Variants in ARID1B observed in about 807,000 individuals in gnomAD.
The protein encoded by ARID1B is AT-rich interaction domain 1B.
Under a neutral mutation model 212.3 loss-of-function variants are expected in ARID1B, and 30 were observed. The observed-to-expected ratio is 0.14, with a 90% CI of 0.11 to 0.19. The LOEUF is 0.19. ARID1B is among the 10% of genes least tolerant of loss of function. The probability of loss-of-function intolerance (pLI) is 1.00; values close to 1 mark genes in which losing one functional copy is unlikely to be tolerated. For synonymous variants in ARID1B, 1,402 were observed against 1,301.7 expected, an observed-to-expected ratio of 1.08 and a Z score of -1.66; for missense variants, 2,891 against 3,204.0, an observed-to-expected ratio of 0.90 and a Z score of 2.36.
intron 6 of ARID1B, among the ~76,000 whole-genome samples, chr6:157,130,369 A>G (rs893834977): frequency 2.6e-5 from 4 of 152,206 alleles, no homozygotes; most frequent in Non-Finnish European, 5.9e-5. Flanking sequence ...ACATTTTTTT[A>G]TTAAACAGGA....
chr6:156,930,105 A>G (rs559381730), intron 3 of ARID1B, among the ~76,000 whole-genome samples: 37 of 152,316 alleles, frequency 2.4e-4, no homozygotes, highest in South Asian at 2.1e-4. Context: ...AAATGTAGCA[A>G]TCTGATACAG....
chr6:157,162,955 C>T (rs74896098), intron 8 of ARID1B, among the ~76,000 whole-genome samples: 5,301 of 152,290 alleles, frequency 0.035, 148 homozygotes, highest in African/African-American at 0.07. Context: ...ATGAAGCCCG[C>T]AGGCCCCCTG....
rs1208777402 is a variant in ARID1B, at chr6:156,872,155, C to T, written c.1987-29221C>T. 3.9e-5 allele frequency among the ~76,000 whole-genome samples: 6 copies of T among 152,252 alleles called. No individual in the cohort carries two copies. The East Asian group carries it at 5.8e-4, about 15-fold the overall frequency. On this transcript the variant is annotated intron_variant, in intron 2 of 19. Coordinates refer to ENST00000636930, the MANE Select transcript of ARID1B (RefSeq NM_001374828.1). ...GTGATCCTGAGCAAGTTACTTAAAT[C>T]GTCTGAACTACAATTTCTTTTTTAT...
chr6:157,090,505 A>ATTAGG (rs994903922), intron 5 of ARID1B, among the ~76,000 whole-genome samples: 6 of 152,348 alleles, frequency 3.9e-5, no homozygotes, highest in African/African-American at 9.6e-5. Context: ...AAAACACAAA[A>ATTAGG]TTAGGTCTTC....
intron 15 of ARID1B, among the ~76,000 whole-genome samples, chr6:157,191,516 G>A (rs1485342958): frequency 1.3e-5 from 2 of 152,096 alleles, no homozygotes; most frequent in Non-Finnish European, 2.9e-5. Context: ...GGATTGATGA[G>A]ATCCTTGAGA....
intron 8 of ARID1B, among the ~76,000 whole-genome samples, chr6:157,155,299 C>CGAATTGT (rs1164594675): frequency 1.3e-5 from 2 of 152,000 alleles, no homozygotes; most frequent in African/African-American, 4.8e-5. Flanking sequence ...TGTTAAAGTA[C>CGAATTGT]GAATTGTGAA....
At chr6:156,860,717 C>T (rs920498334) in intron 2 of ARID1B, among the ~76,000 whole-genome samples, 2 of 152,044 alleles carry the variant, frequency 1.3e-5, no homozygotes, top group African/African-American at 4.8e-5. Flanking sequence ...CTTTAGTATA[C>T]CCACAAAAGA....
At chr6:157,196,866 G>A (rs1793764919) in intron 16 of ARID1B, among the ~76,000 whole-genome samples, 1 of 152,198 alleles carries the variant, frequency 6.6e-6, no homozygotes. Context: ...CACAGCACAG[G>A]CCTCACTGCA....
intron 4 of ARID1B, among the ~76,000 whole-genome samples, chr6:157,026,368 G>A (rs1328409517): frequency 6.6e-6 from 1 of 152,200 alleles, no homozygotes; most frequent in African/African-American, 2.4e-5. Flanking sequence ...CTTTGGGAGA[G>A]CACTGTAATC....
chr6:157,149,166 G>A, intron 8 of ARID1B: 1 of 583,448 alleles, frequency 1.7e-6, no homozygotes, highest in Non-Finnish European at 3.0e-6. Context: ...GAAGGAATGT[G>A]AGCGGTGAGC....
intron 1 of ARID1B, among the ~76,000 whole-genome samples, chr6:156,783,526 T>TG (rs1489414262): frequency 1.3e-5 from 2 of 152,216 alleles, no homozygotes; most frequent in African/African-American, 4.8e-5. Flanking sequence ...TTTATGATTC[T>TG]GGGCAGGGTG....
intron 1 of ARID1B, among the ~76,000 whole-genome samples, chr6:156,806,058 C>A (rs981809554): frequency 6.6e-6 from 1 of 152,148 alleles, no homozygotes; most frequent in African/African-American, 2.4e-5. Flanking sequence ...CCGTATTGGC[C>A]ACTTTTTCTG....
chr6:157,077,354 C>T (rs1784370864), intron 4 of ARID1B, among the ~76,000 whole-genome samples: 1 of 152,130 alleles, frequency 6.6e-6, no homozygotes. Context: ...CTTTCTGGAC[C>T]TCTGTGGCTC....
intron 1 of ARID1B, among the ~76,000 whole-genome samples, chr6:156,783,978 A>G (rs1779458612): frequency 6.6e-6 from 1 of 152,240 alleles, no homozygotes; most frequent in African/African-American, 2.4e-5. Context: ...GGTGTGTTGC[A>G]TAAAATGACA....
rs1024897251 is a variant in ARID1B at position 157,180,323 on chromosome 6, T to C, written c.3505-646T>C. On this transcript the variant is annotated intron_variant, in intron 11 of 19. Coordinates refer to ENST00000636930, the MANE Select transcript of ARID1B (RefSeq NM_001374828.1). ...ACATGGGCATAAAAATAAATGTATA[T>C]GTTTATCCATAAATCCCAAAGCTTT... Among the ~76,000 whole-genome samples, 3 of 151,064 alleles carry C rather than the reference T, an allele frequency of 2.0e-5. No individual in the cohort carries two copies. In the East Asian group the frequency reaches 5.8e-4, roughly 29 times the overall value.
chr6:157,046,989 A>G (rs1267535240), intron 4 of ARID1B, among the ~76,000 whole-genome samples: 1 of 152,150 alleles, frequency 6.6e-6, no homozygotes, highest in East Asian at 1.9e-4. Context: ...TTATGAAAAA[A>G]TTCCAGCAAT....
At chr6:156,892,061 T>C (rs1256589058) in intron 2 of ARID1B, among the ~76,000 whole-genome samples, 16 of 78,678 alleles carry the variant, frequency 2.0e-4, no homozygotes, top group African/African-American at 7.2e-4. Context: ...TTTTTTTTTC[T>C]TTTTTTTTTT....
intron 2 of ARID1B, among the ~76,000 whole-genome samples, chr6:156,892,858 C>G (rs573540763): frequency 7.9e-5 from 12 of 152,042 alleles, no homozygotes; most frequent in African/African-American, 2.7e-4. Flanking sequence ...AACTGTACTT[C>G]TTAAAACAGA....
In ARID1B at chr6:157,148,100, TCATGTC is replaced by T. The variant is rs1384784653; in HGVS notation, c.2762-523_2762-518del. On this transcript the variant is annotated intron_variant, in intron 7 of 19. Transcript: ENST00000636930. The surrounding 1 kb of genome is among the most constrained non-coding windows in gnomAD (Gnocchi z 5.6). ...TCCCAACTTAGAGGAAAACTGGGGC[TCATGTC>T]AGGTTCCCGCGTGACACCTTCCTGT... Among the ~76,000 whole-genome samples the T allele has an allele frequency of 6.6e-6, 1 of 151,874 alleles. No individual in the cohort carries two copies. The highest frequency in any genetic ancestry group is 1.5e-5 in the Non-Finnish European group (1 of 67,980).
Sources: allele counts gnomAD v4.1 joint callset (sites outside exome capture counted in the v4.1 genomes callset), GRCh38; gene constraint gnomAD v4.1.1; non-coding constraint Gnocchi (gnomAD v3.1); transcripts MANE v1.5; gene names NCBI Gene and HGNC (gene_info 2026-07-23, HGNC 2026-07-21).